ASTN2: variants seen among roughly 807,000 people sequenced by gnomAD.
The protein encoded by ASTN2 is astrotactin 2.
A neutral mutation model predicts 139.8 loss-of-function variants in ASTN2; 54 were observed. That is an observed-to-expected ratio of 0.39 (90% CI 0.31 to 0.48). The LOEUF is 0.48. ASTN2 is among the 20% of genes least tolerant of loss of function. The pLI is 0.95. For synonymous variants in ASTN2, 756 were observed against 719.5 expected, an observed-to-expected ratio of 1.05 and a Z score of -0.81; for missense variants, 1,565 against 1,725.1, an observed-to-expected ratio of 0.91 and a Z score of 1.64.
chr9:116,757,183 G>A (rs933033643), intron 13 of ASTN2, among the ~76,000 whole-genome samples: 1 of 152,162 alleles, frequency 6.6e-6, no homozygotes, highest in African/African-American at 2.4e-5. Flanking sequence ...CCCTTGTGTT[G>A]GAGAATGTGG....
intron 3 of ASTN2, among the ~76,000 whole-genome samples, chr9:117,166,316 T>C (rs1830669408): frequency 6.6e-6 from 1 of 152,080 alleles, no homozygotes; most frequent in African/African-American, 2.4e-5. Flanking sequence ...CTCCCCTGTC[T>C]CTCTCCTCTT....
chr9:117,013,966 G>A (rs1437088443), intron 6 of ASTN2, among the ~76,000 whole-genome samples: 2 of 152,114 alleles, frequency 1.3e-5, no homozygotes, highest in Non-Finnish European at 2.9e-5. Flanking sequence ...AAAGATGTGT[G>A]GCTAAAAGAT....
At chr9:117,272,101 G>T (rs190862512) in intron 2 of ASTN2, among the ~76,000 whole-genome samples, 2 of 152,182 alleles carry the variant, frequency 1.3e-5, no homozygotes, top group Non-Finnish European at 2.9e-5. Context: ...GCAAACTTTT[G>T]CCTGGGCTTC....
At chr9:116,625,413 G>A (rs945420005) in intron 17 of ASTN2, among the ~76,000 whole-genome samples, 3 of 152,178 alleles carry the variant, frequency 2.0e-5, no homozygotes, top group Admixed American at 6.5e-5. Context: ...CAGCCTGGGC[G>A]ACAGCAAGAC....
chr9:117,280,927 C>T (rs965493282), intron 2 of ASTN2, among the ~76,000 whole-genome samples: 1 of 152,114 alleles, frequency 6.6e-6, no homozygotes, highest in African/African-American at 2.4e-5. Context: ...GTAATTATTA[C>T]AGTGGTGATT....
chr9:116,697,790 A>G (rs763988582), intron 16 of ASTN2: 2 of 1,614,150 alleles, frequency 1.2e-6, no homozygotes, highest in South Asian at 2.2e-5. Flanking sequence ...CCCTCCGGGA[A>G]GTGCTAGAAT....
intron 16 of ASTN2, among the ~76,000 whole-genome samples, chr9:116,656,722 A>G (rs1488628359): frequency 1.4e-5 from 2 of 147,676 alleles, no homozygotes; most frequent in African/African-American, 5.0e-5. Context: ...TGAAGTGACA[A>G]CTCCTTGTTG....
chr9:117,336,712 A>G (rs533313099), intron 1 of ASTN2, among the ~76,000 whole-genome samples: 4 of 152,268 alleles, frequency 2.6e-5, no homozygotes, highest in East Asian at 1.9e-4. Context: ...TCTAGCCTCC[A>G]GTCAAATGGG....
At position 117,092,112 on chromosome 9, in the gene ASTN2, G is replaced by A. The variant is rs550578783; in HGVS notation, c.1276+3932C>T. ...TGGGAATTTGAGAATACTGGTTCATGTCCCATGGATGAAAAGGGGCAGAGC... is the reference window on the plus strand; with the variant it reads ...TGGGAATTTGAGAATACTGGTTCATATCCCATGGATGAAAAGGGGCAGAGC... On this transcript the variant is annotated intron_variant, in intron 5 of 22. Transcript: ENST00000313400. Among the ~76,000 whole-genome samples, 4 of 152,310 alleles carry A rather than the reference G, an allele frequency of 2.6e-5. No individual in the cohort carries two copies. The South Asian group carries it at 8.3e-4, about 32-fold the overall frequency.
intron 14 of ASTN2, among the ~76,000 whole-genome samples, chr9:116,730,345 CT>C (rs905935440): frequency 1.7e-3 from 244 of 147,792 alleles, no homozygotes; most frequent in African/African-American, 3.6e-3. Flanking sequence ...TTACTGTCAA[CT>C]TTTTTTTTTT....
intron 11 of ASTN2, among the ~76,000 whole-genome samples, chr9:116,843,894 C>T (rs746715233): frequency 1.3e-5 from 2 of 152,076 alleles, no homozygotes; most frequent in Admixed American, 1.3e-4. Context: ...CAAACCTGCA[C>T]ATGTACCCTC....
At chr9:117,005,427 C>T (rs1837328282) in intron 7 of ASTN2, among the ~76,000 whole-genome samples, 2 of 151,908 alleles carry the variant, frequency 1.3e-5, no homozygotes, top group Non-Finnish European at 1.5e-5. Context: ...TTAATTTTTT[C>T]CATCAGAAGT....
chr9:116,856,172 T>C (rs894775665), intron 11 of ASTN2, among the ~76,000 whole-genome samples: 3 of 152,124 alleles, frequency 2.0e-5, no homozygotes, highest in Non-Finnish European at 2.9e-5. Flanking sequence ...AAAAGAAAAA[T>C]AGGGCAACCA....
At chr9:116,530,108 T>C (rs1344805796) in intron 19 of ASTN2, among the ~76,000 whole-genome samples, 3 of 23,550 alleles carry the variant, frequency 1.3e-4, no homozygotes, top group Non-Finnish European at 2.4e-4. Flanking sequence ...TATATATATA[T>C]ATATATATAT....
At chr9:117,074,175 C>T (rs12336787) in intron 5 of ASTN2, among the ~76,000 whole-genome samples, 1 of 152,104 alleles carries the variant, frequency 6.6e-6, no homozygotes, top group African/African-American at 2.4e-5. Flanking sequence ...TGCATATTTT[C>T]TATGTCAAAC....
intron 2 of ASTN2, among the ~76,000 whole-genome samples, chr9:117,236,588 C>T (rs1833051711): frequency 1.3e-5 from 2 of 152,152 alleles, no homozygotes; most frequent in South Asian, 2.1e-4. Flanking sequence ...TGTTTCTGCT[C>T]TCAAGCGCCT....
chr9:116,646,498 G>C (rs929725533), intron 17 of ASTN2, among the ~76,000 whole-genome samples: 2 of 152,066 alleles, frequency 1.3e-5, no homozygotes, highest in Non-Finnish European at 1.5e-5. Flanking sequence ...CAAAACGAGA[G>C]TAGCTGCTTT....
chr9:116,426,149 A>G (rs1847303942), intron 22 of ASTN2, 61 bp from the exon 23 acceptor site: 1 of 1,585,438 alleles, frequency 6.3e-7, no homozygotes, highest in Non-Finnish European at 8.6e-7. Context: ...TAGACCTTTG[A>G]GGTAGTAAAT....
intron 17 of ASTN2, among the ~76,000 whole-genome samples, chr9:116,631,761 T>C (rs1013280608): frequency 6.6e-6 from 1 of 152,212 alleles, no homozygotes; most frequent in Admixed American, 6.5e-5. Context: ...ATAAATGTTT[T>C]GGATGATGGA....
Sources: gnomAD v4.1 joint callset for allele counts (sites outside exome capture counted in the v4.1 genomes callset) on GRCh38, gnomAD v4.1.1 for gene constraint, MANE v1.5 for transcripts, NCBI Gene and HGNC (gene_info 2026-07-23, HGNC 2026-07-21) for gene names.